The following LPP variants were observed in gnomAD, a reference collection of about 807,000 sequenced individuals.
LPP encodes lipoma-preferred partner.
In LPP, 38 loss-of-function variants were observed where a neutral mutation model predicts 60.4. The ratio of observed to expected loss-of-function variants is 0.63; its 90% CI spans 0.49 to 0.83. The LOEUF is 0.83. LPP is among the 40% of genes least tolerant of loss of function. The pLI, the probability that LPP is intolerant of heterozygous loss-of-function variation, is 0.00. For synonymous variants in LPP, 328 were observed against 290.8 expected, an observed-to-expected ratio of 1.13 and a Z score of -1.30; for missense variants, 902 against 783.6, an observed-to-expected ratio of 1.15 and a Z score of -1.80.
chr3:188,258,200 T>C (rs1732308234), intron 2 of LPP, among the ~76,000 whole-genome samples: 1 of 152,254 alleles, frequency 6.6e-6, no homozygotes, highest in African/African-American at 2.4e-5. Flanking sequence ...ATACTTGAAG[T>C]GAATGGTCAG....
chr3:188,400,005 C>T (rs1048230396), intron 3 of LPP, among the ~76,000 whole-genome samples: 8 of 152,092 alleles, frequency 5.3e-5, no homozygotes, highest in African/African-American at 1.7e-4. Context: ...CTACGTGGGG[C>T]GGGTCCTGGT....
chr3:188,866,285 G>A lies in LPP; in HGVS notation c.1496G>A (p.Cys499Tyr), dbSNP rs1267763810. The A allele has an allele frequency of 1.3e-6, 2 of 1,593,854 alleles. No individual in the cohort carries two copies. The highest frequency in any genetic ancestry group is 8.5e-7 in the Non-Finnish European group (1 of 1,169,614). ...RATGKAYHPH[C>Y]FTCVMCHRSL... ...ACCGGGAAGGCCTATCATCCTCACTGTTTCACCTGCGTGATGTGCCACCGC... is the reference window on the plus strand; with the variant it reads ...ACCGGGAAGGCCTATCATCCTCACTATTTCACCTGCGTGATGTGCCACCGC... The change falls in exon 10 of 12, where the codon TGT becomes TAT. Residue 499 changes from cysteine to tyrosine, a missense_variant. Coordinates refer to ENST00000617246, the MANE Select transcript of LPP (RefSeq NM_001375462.1).
intron 9 of LPP, among the ~76,000 whole-genome samples, chr3:188,806,955 AT>A (rs1749336382): frequency 6.6e-6 from 1 of 151,796 alleles, no homozygotes; most frequent in Non-Finnish European, 1.5e-5. Context: ...AAGCTAATTC[AT>A]TTCTGCTTTT....
intron 3 of LPP, among the ~76,000 whole-genome samples, chr3:188,385,636 A>C (rs988738585): frequency 6.6e-6 from 1 of 152,236 alleles, no homozygotes; most frequent in African/African-American, 2.4e-5. Context: ...TTCACTCTAC[A>C]AAGAAGCAAG....
At chr3:188,808,780 A>G (rs1424024785) in intron 9 of LPP, among the ~76,000 whole-genome samples, 3 of 152,088 alleles carry the variant, frequency 2.0e-5, no homozygotes, top group African/African-American at 7.2e-5. Context: ...CCCGTTGTCT[A>G]GTTTTAAGCC....
chr3:188,166,464 C>T (rs1001490728), intron 1 of LPP, among the ~76,000 whole-genome samples: 2 of 152,216 alleles, frequency 1.3e-5, no homozygotes, highest in Non-Finnish European at 2.9e-5. Flanking sequence ...ATCCACATAG[C>T]ATAATACTTA....
At chr3:188,648,213 A>C (rs1851449098) in intron 7 of LPP, among the ~76,000 whole-genome samples, 1 of 152,174 alleles carries the variant, frequency 6.6e-6, no homozygotes, top group South Asian at 2.1e-4. Context: ...TATTACTTAG[A>C]AAAAACGAGC....
chr3:188,485,803 A>AAAAAAAAAAAAAAAAAAAAAAAC (rs1806297724), intron 5 of LPP, among the ~76,000 whole-genome samples: 1 of 145,368 alleles, frequency 6.9e-6, no homozygotes, highest in Non-Finnish European at 1.5e-5. Context: ...TCTCAAAAAA[A>AAAAAAAAAAAAAAAAAAAAAAAC]AAAAAAAAAA....
At position 188,785,547 on chromosome 3, in the gene LPP, T is replaced by TATATATATATATATACACACACAC. The variant is rs1206082559; in HGVS notation, c.1410+25266_1410+25267insTATATATATATATACACACACACA. Among the ~76,000 whole-genome samples, 183 of 43,840 alleles carry TATATATATATATATACACACACAC rather than the reference T, an allele frequency of 4.2e-3. 16 individuals carry two copies. Among genetic ancestry groups the TATATATATATATATACACACACAC allele is most frequent in the East Asian group, 0.012 (5 of 406 alleles). 28.8% of individuals were successfully genotyped at this position (43,840 alleles called of 152,430 possible). Reference sequence around the variant, plus strand: ...ATATATATTCCATCATATATATATATACACACACACACACACACACACACA... The same window carrying TATATATATATATATACACACACAC: ...ATATATATTCCATCATATATATATATATATATATATATATACACACACACACACACACACACACACACACACACA... On this transcript the variant is annotated intron_variant, in intron 9 of 11. Transcript: ENST00000617246.
At chr3:188,240,855 C>G (rs1724322509) in intron 2 of LPP, among the ~76,000 whole-genome samples, 1 of 152,136 alleles carries the variant, frequency 6.6e-6, no homozygotes, top group African/African-American at 2.4e-5. Flanking sequence ...GAATGAACCT[C>G]CCTATTGGCT....
At chr3:188,433,991 A>G (rs1486854799) in intron 4 of LPP, among the ~76,000 whole-genome samples, 1 of 152,110 alleles carries the variant, frequency 6.6e-6, no homozygotes, top group Non-Finnish European at 1.5e-5. Context: ...TGGTAGTATA[A>G]CTTCATCGTG....
chr3:188,335,250 G>C (rs1339452876), intron 2 of LPP, among the ~76,000 whole-genome samples: 1 of 152,200 alleles, frequency 6.6e-6, no homozygotes, highest in Non-Finnish European at 1.5e-5. Context: ...ATGAAGGAAT[G>C]TTGAACTTTA....
chr3:188,760,409 G>GGTGTGT (rs3841956), intron 9 of LPP, 127 bp downstream of exon 9: 124,888 of 598,724 alleles, frequency 0.21, 6,060 homozygotes, highest in East Asian at 0.43. Context: ...GTGTGTGTGG[G>GGTGTGT]GTGTGTGTGT....
intron 7 of LPP, among the ~76,000 whole-genome samples, chr3:188,700,972 C>T (rs764885905): frequency 1.9e-4 from 29 of 152,034 alleles, no homozygotes; most frequent in Non-Finnish European, 1.6e-4. Context: ...AACTGAGGCT[C>T]AGAAAATGGA....
chr3:188,224,776 C>T (rs1186368884), intron 1 of LPP, among the ~76,000 whole-genome samples: 3 of 152,052 alleles, frequency 2.0e-5, no homozygotes, highest in African/African-American at 2.4e-5. Flanking sequence ...AGAACACACT[C>T]GTGATCGTGA....
chr3:188,744,379 T>C (rs1725435755), intron 8 of LPP, among the ~76,000 whole-genome samples: 1 of 152,186 alleles, frequency 6.6e-6, no homozygotes, highest in Non-Finnish European at 1.5e-5. Context: ...TTCAACTGTG[T>C]ATTTTGAAAC....
At chr3:188,368,154 G>A (rs759029197) in intron 3 of LPP, among the ~76,000 whole-genome samples, 5 of 152,130 alleles carry the variant, frequency 3.3e-5, no homozygotes, top group Non-Finnish European at 7.4e-5. Flanking sequence ...TGTTATACCG[G>A]CCAAACCAAT....
intron 9 of LPP, among the ~76,000 whole-genome samples, chr3:188,813,012 T>G (rs1039104392): frequency 6.6e-6 from 1 of 152,090 alleles, no homozygotes; most frequent in Non-Finnish European, 1.5e-5. Flanking sequence ...GAACAAAATA[T>G]AGCTTCTGTA....
chr3:188,341,603 G>A (rs771211854), intron 2 of LPP, 60 bp from the exon 3 acceptor site: 27 of 588,282 alleles, frequency 4.6e-5, no homozygotes, highest in Non-Finnish European at 5.8e-5. Context: ...GACTATTAAT[G>A]AATAAATATG....
Sources: allele counts gnomAD v4.1 joint callset (sites outside exome capture counted in the v4.1 genomes callset), GRCh38; gene constraint gnomAD v4.1.1; transcripts MANE v1.5; gene names NCBI Gene and HGNC (gene_info 2026-07-23, HGNC 2026-07-21).